CD80: variants seen among roughly 807,000 people sequenced by gnomAD.
CD80 encodes the protein T-lymphocyte activation antigen CD80.
CD80 carries 13 observed loss-of-function variants against 27.1 expected under a neutral mutation model. The observed-to-expected ratio is 0.48, with a 90% confidence interval of 0.31 to 0.76. The LOEUF (loss-of-function observed/expected upper bound fraction) is 0.76, where lower values mean the gene tolerates loss of function less well. Ranked by LOEUF, CD80 falls within the 30% of genes least tolerant of loss-of-function variation. CD80 has a pLI of 0.04. For synonymous variants in CD80, 125 were observed against 125.5 expected, an observed-to-expected ratio of 1.00 and a Z score of 0.03; for missense variants, 277 against 347.9, an observed-to-expected ratio of 0.80 and a Z score of 1.62.
At chr3:119,528,430 T>A (rs1345285210) in intron 5 of CD80, among the ~76,000 whole-genome samples, 1 of 152,214 alleles carries the variant, frequency 6.6e-6, no homozygotes, top group African/African-American at 2.4e-5. Flanking sequence ...GATTATGGCC[T>A]TATTTCGGAC....
At chr3:119,551,025 A>T (rs1374767722) in intron 2 of CD80, among the ~76,000 whole-genome samples, 1 of 152,184 alleles carries the variant, frequency 6.6e-6, no homozygotes, top group Admixed American at 6.5e-5. Flanking sequence ...TACAACTGTG[A>T]TGTATATTTA....
At chr3:119,536,236 G>A (rs1466574849) in intron 4 of CD80, among the ~76,000 whole-genome samples, 2 of 152,040 alleles carry the variant, frequency 1.3e-5, no homozygotes, top group African/African-American at 4.8e-5. Flanking sequence ...GGGCAACAGG[G>A]CGAGACACTG....
rs549117568 is a variant in CD80 at position 119,548,471 on chromosome 3, G to A, written c.101-3604C>T. ...GGGTTAAACGATGTGCTCAGCCCCA[G>A]GGGATATGAAAGTCATAGTAAGGAA... On this transcript the variant is annotated intron_variant, in intron 2 of 6. Coordinates refer to ENST00000264246, the MANE Select transcript of CD80 (RefSeq NM_005191.4). 3.9e-5 allele frequency among the ~76,000 whole-genome samples: 6 copies of A among 152,284 alleles called. No homozygotes were observed. In the South Asian group the frequency reaches 1.2e-3, roughly 32 times the overall value.
chr3:119,547,840 A>G (rs1276173040), intron 2 of CD80, among the ~76,000 whole-genome samples: 1 of 152,064 alleles, frequency 6.6e-6, no homozygotes, highest in East Asian at 1.9e-4. Flanking sequence ...ACCTATACAT[A>G]CCACTGTGTG....
At chr3:119,538,568 G>A (rs887831732) in intron 3 of CD80, among the ~76,000 whole-genome samples, 1 of 152,144 alleles carries the variant, frequency 6.6e-6, no homozygotes, top group African/African-American at 2.4e-5. Flanking sequence ...TCTTTTACAT[G>A]AGGGGCCTAC....
At chr3:119,552,513 CAAAAAAAAA>C (rs11369803) in intron 2 of CD80, among the ~76,000 whole-genome samples, 581 of 31,306 alleles carry the variant, frequency 0.019, 12 homozygotes, top group East Asian at 0.17. Flanking sequence ...GACTCTGTCT[CAAAAAAAAA>C]AAAAAAAAAA....
At position 119,537,141 on chromosome 3, in the gene CD80, A is replaced by G; in HGVS notation, c.696T>C (p.Asn232=). The G allele has an allele frequency of 6.2e-7, 1 of 1,611,510 alleles. No individual in the cohort carries two copies. Among genetic ancestry groups the G allele is most frequent in the African/African-American group, 1.3e-5 (1 of 75,026 alleles). ...HLRVNQTFNW[N]TTKQEHFPDN... is the part of the protein sequence containing the mutation. ...CCCCAGAACAATGTCACTTACTTGT[A>G]TTCCAGTTGAAGGTCTGATTCACTC... is the stretch of plus-strand genomic sequence containing the variant. The change falls in exon 4 of 7, where the codon AAT becomes AAC. Residue 232 remains asparagine, a synonymous_variant. Transcript: ENST00000264246.
intron 5 of CD80, 66 bp downstream of exon 5, chr3:119,529,776 C>A (rs572421700): frequency 5.3e-6 from 6 of 1,127,470 alleles, no homozygotes; most frequent in Middle Eastern, 3.9e-4. Context: ...AGAGAGATGC[C>A]GAACCATGGT....
intron 2 of CD80, among the ~76,000 whole-genome samples, chr3:119,553,943 G>T (rs955319000): frequency 6.6e-6 from 1 of 152,176 alleles, no homozygotes; most frequent in Non-Finnish European, 1.5e-5. Flanking sequence ...GCACCGACAG[G>T]GCTGGTGTCA....
intron 6 of CD80, among the ~76,000 whole-genome samples, chr3:119,526,142 A>C (rs551024595): frequency 6.6e-6 from 1 of 152,110 alleles, no homozygotes; most frequent in Non-Finnish European, 1.5e-5. Flanking sequence ...CCACTCTTCT[A>C]TGTGTGGGGC....
intron 3 of CD80, among the ~76,000 whole-genome samples, chr3:119,538,375 A>G (rs2082150574): frequency 6.6e-6 from 1 of 152,000 alleles, no homozygotes. Context: ...CTATTTATTT[A>G]CTAAACTATA....
intron 6 of CD80, among the ~76,000 whole-genome samples, chr3:119,527,161 G>T (rs925487047): frequency 1.3e-5 from 2 of 152,200 alleles, no homozygotes; most frequent in African/African-American, 4.8e-5. Context: ...GAACTCAAGG[G>T]TATTTAGACT....
Position 119,529,956 on chromosome 3 carries a change from A to G in CD80, c.701-19T>C. The G allele has an allele frequency of 6.5e-7, 1 of 1,536,292 alleles. No individual in the cohort carries two copies. The highest frequency in any genetic ancestry group is 1.1e-5 in the South Asian group (1 of 89,490). ...TGCTTGGCTATGGAGGGAAAAGAAT[A>G]ATGTCAGCTGTAATGTATTTCCTAC... On this transcript the variant is annotated intron_variant, in intron 4 of 6. Coordinates refer to ENST00000264246, the MANE Select transcript of CD80 (RefSeq NM_005191.4).
chr3:119,532,346 A>T (rs1487522174), intron 4 of CD80, among the ~76,000 whole-genome samples: 1 of 152,166 alleles, frequency 6.6e-6, no homozygotes, highest in Non-Finnish European at 1.5e-5. Flanking sequence ...TACTAAAAGT[A>T]CAAAAAATTA....
Position 119,524,800 on chromosome 3 carries a change from G to T in CD80, c.*988C>A, listed in dbSNP as rs542020330. 3.3e-5 allele frequency: 5 copies of T among 152,310 alleles called. No homozygotes were observed. In the South Asian group the frequency reaches 1.0e-3, roughly 32 times the overall value. The allele number at this position is 152,310 out of a possible 1,614,324, so 9.4% of individuals were successfully genotyped here. A position where few individuals can be genotyped will look rare whatever the true frequency, so the allele number is the denominator to read the frequency against. On this transcript the variant is annotated 3_prime_UTR_variant, in exon 7 of 7. Coordinates refer to ENST00000264246, the MANE Select transcript of CD80 (RefSeq NM_005191.4). ...GGCTATGTCTTTCCAGTTCTCTGCT[G>T]ATGTCAGAAAGACCCAGAAATACCA...
At chr3:119,533,941 A>G (rs563720893) in intron 4 of CD80, among the ~76,000 whole-genome samples, 1 of 152,324 alleles carries the variant, frequency 6.6e-6, no homozygotes, top group East Asian at 1.9e-4. Context: ...ATCTTATTCT[A>G]AAGAATCCCC....
chr3:119,528,688 C>A (rs1300195032), intron 5 of CD80, among the ~76,000 whole-genome samples: 1 of 152,046 alleles, frequency 6.6e-6, no homozygotes, highest in Non-Finnish European at 1.5e-5. Flanking sequence ...CTTTGGGAAG[C>A]CAAGGCAGGC....
rs541914705 is a variant in CD80, at chr3:119,557,068, A to G, written c.100+561T>C. ...TGATACCACTTAAAGTCAGATGCCA[A>G]TGTTGAAAAAAGATCTCAGCATCCA... On this transcript the variant is annotated intron_variant, in intron 2 of 6. Coordinates refer to ENST00000264246, the MANE Select transcript of CD80 (RefSeq NM_005191.4). Among the ~76,000 whole-genome samples the G allele has an allele frequency of 2.6e-5, 4 of 152,372 alleles. No individual in the cohort carries two copies. In the East Asian group the frequency reaches 5.8e-4, roughly 22 times the overall value.
chr3:119,556,887 C>G (rs1174859997), intron 2 of CD80, among the ~76,000 whole-genome samples: 1 of 152,008 alleles, frequency 6.6e-6, no homozygotes. Flanking sequence ...CAGGGACAAG[C>G]CTCACCCTTC....
Sources: gnomAD v4.1 joint callset for allele counts (sites outside exome capture counted in the v4.1 genomes callset) on GRCh38, gnomAD v4.1.1 for gene constraint, MANE v1.5 for transcripts, NCBI Gene and HGNC (gene_info 2026-07-23, HGNC 2026-07-21) for gene names.